Variants in ARHGAP15 observed in about 807,000 individuals in gnomAD.
ARHGAP15 encodes the protein Rho GTPase activating protein 15, also known as rho GTPase-activating protein 15.
In ARHGAP15, 51 loss-of-function variants were observed where a neutral mutation model predicts 63.7. That is an observed-to-expected ratio of 0.80 (90% CI 0.64 to 1.01). The LOEUF (loss-of-function observed/expected upper bound fraction) is 1.01. ARHGAP15 is among the 50% of genes least tolerant of loss of function. ARHGAP15 has a pLI of 0.00. For synonymous variants in ARHGAP15, 191 were observed against 193.8 expected (o/e 0.99, Z 0.12); for missense variants, 560 against 564.6 (o/e 0.99, Z 0.08).
At chr2:143,215,354 C>T (rs1692714468) in intron 3 of ARHGAP15, among the ~76,000 whole-genome samples, 3 of 152,188 alleles carry the variant, frequency 2.0e-5, no homozygotes, top group Admixed American at 1.3e-4. Flanking sequence ...GATTCTCCCA[C>T]CCCAACCTCC....
At chr2:143,321,330 C>T (rs1684010124) in intron 6 of ARHGAP15, among the ~76,000 whole-genome samples, 1 of 152,208 alleles carries the variant, frequency 6.6e-6, no homozygotes, top group Non-Finnish European at 1.5e-5. Flanking sequence ...CTTGTGGAAG[C>T]ATAAAAGGGA....
chr2:143,192,583 T>C (rs1045347363), intron 2 of ARHGAP15, among the ~76,000 whole-genome samples: 3 of 152,214 alleles, frequency 2.0e-5, no homozygotes, highest in African/African-American at 7.2e-5. Flanking sequence ...CTTTGGATCA[T>C]TAAAGTCACA....
At chr2:143,677,962 CT>C (rs2105364266) in intron 12 of ARHGAP15, among the ~76,000 whole-genome samples, 1 of 152,326 alleles carries the variant, frequency 6.6e-6, no homozygotes, top group Admixed American at 6.5e-5. Flanking sequence ...AATCCCAGTA[CT>C]TTGGGAGGCC....
At chr2:143,522,403 G>A (rs973329527) in intron 10 of ARHGAP15, among the ~76,000 whole-genome samples, 2 of 152,062 alleles carry the variant, frequency 1.3e-5, no homozygotes, top group Admixed American at 6.6e-5. Context: ...CTTTATAGTC[G>A]TAGAGCATGT....
In ARHGAP15 at chr2:143,330,133, C is replaced by CAAAAAAAAAAAAAAAAAAAAAAA. The variant is rs1558898102; in HGVS notation, c.474+79538_474+79539insAAAAAAAAAAAAAAAAAAAAAAA. ...AAAAAAAAAAAAAAAAAAAAAAAAC[C>CAAAAAAAAAAAAAAAAAAAAAAA]AAAAACAAAAAACTAAACTAATGAT... On this transcript the variant is annotated intron_variant, in intron 6 of 13. Coordinates refer to ENST00000295095, the MANE Select transcript of ARHGAP15 (RefSeq NM_018460.4). Among the ~76,000 whole-genome samples the CAAAAAAAAAAAAAAAAAAAAAAA allele has an allele frequency of 2.9e-3, 107 of 37,344 alleles. 13 individuals carry two copies. The highest frequency in any genetic ancestry group is 3.6e-3 in the Non-Finnish European group (68 of 19,152). 24.5% of individuals were successfully genotyped at this position (37,344 alleles called of 152,430 possible). A position where few individuals can be genotyped will look rare whatever the true frequency, so the allele number is the denominator to read the frequency against.
At chr2:143,398,763 G>GA (rs971410385) in intron 6 of ARHGAP15, among the ~76,000 whole-genome samples, 4 of 107,168 alleles carry the variant, frequency 3.7e-5, no homozygotes, top group Non-Finnish European at 5.5e-5. Flanking sequence ...TATAATAAAT[G>GA]AAAAAAATCC....
chr2:143,429,217 AG>A lies in ARHGAP15; in HGVS notation c.475-6381del, dbSNP rs1201912021. On this transcript the variant is annotated intron_variant, in intron 6 of 13. Transcript: ENST00000295095. Reference sequence around the variant, plus strand: ...TAACACAATAAAAAGAATGAACATGAGGGTTTTTTTTTTTTTTTTGCTTGTT... The same window carrying A: ...TAACACAATAAAAAGAATGAACATGAGGTTTTTTTTTTTTTTTTGCTTGTT... Among the ~76,000 whole-genome samples the A allele has an allele frequency of 3.9e-5, 5 of 127,314 alleles. No individual in the cohort carries two copies. In the South Asian group the frequency reaches 1.2e-3, roughly 30 times the overall value. The allele number at this position is 127,314 out of a possible 152,430, so 83.5% of individuals were successfully genotyped here.
chr2:143,373,769 G>T (rs1372964624), intron 6 of ARHGAP15, among the ~76,000 whole-genome samples: 2 of 151,756 alleles, frequency 1.3e-5, no homozygotes, highest in Non-Finnish European at 2.9e-5. Context: ...GTTAGGCATT[G>T]AAAGAGTAGA....
At chr2:143,536,733 A>G (rs1574596664) in intron 10 of ARHGAP15, among the ~76,000 whole-genome samples, 1 of 151,708 alleles carries the variant, frequency 6.6e-6, no homozygotes, top group African/African-American at 2.4e-5. Context: ...ATAGTATTCC[A>G]TGGTGTATAT....
intron 3 of ARHGAP15, among the ~76,000 whole-genome samples, chr2:143,212,144 A>G (rs1692586395): frequency 6.6e-6 from 1 of 152,136 alleles, no homozygotes; most frequent in Admixed American, 6.5e-5. Context: ...TCTCATAAAA[A>G]AAAATGCAGT....
intron 8 of ARHGAP15, among the ~76,000 whole-genome samples, chr2:143,470,993 CAT>C (rs1050330757): frequency 1.8e-5 from 2 of 108,682 alleles, no homozygotes; most frequent in African/African-American, 2.7e-5. Context: ...GTATCATATA[CAT>C]GTGTGTATAG....
At chr2:143,240,424 G>A (rs377719723) in intron 5 of ARHGAP15, among the ~76,000 whole-genome samples, 11 of 152,036 alleles carry the variant, frequency 7.2e-5, no homozygotes, top group African/African-American at 1.7e-4. Flanking sequence ...TGAGTATTCC[G>A]TGCAAAATGA....
intron 3 of ARHGAP15, among the ~76,000 whole-genome samples, chr2:143,202,862 T>A (rs1178879856): frequency 1.3e-5 from 2 of 152,068 alleles, no homozygotes; most frequent in African/African-American, 2.4e-5. Context: ...TATTGTTATA[T>A]CCTAGTGACA....
At chr2:143,328,805 G>A (rs1456094920) in intron 6 of ARHGAP15, among the ~76,000 whole-genome samples, 1 of 152,096 alleles carries the variant, frequency 6.6e-6, no homozygotes, top group Non-Finnish European at 1.5e-5. Context: ...ATAATTTATT[G>A]TACATTTTAA....
At chr2:143,604,861 C>T (rs1005274275) in intron 11 of ARHGAP15, among the ~76,000 whole-genome samples, 1 of 152,126 alleles carries the variant, frequency 6.6e-6, no homozygotes, top group African/African-American at 2.4e-5. Flanking sequence ...AATGATAATA[C>T]CGTGCATAGC....
At chr2:143,703,040 A>G (rs1323185956) in intron 12 of ARHGAP15, among the ~76,000 whole-genome samples, 1 of 152,218 alleles carries the variant, frequency 6.6e-6, no homozygotes, top group African/African-American at 2.4e-5. Context: ...CTTGTAAAAC[A>G]GGACATTTAA....
chr2:143,631,104 A>C (rs749570259), intron 12 of ARHGAP15, among the ~76,000 whole-genome samples: 7 of 151,960 alleles, frequency 4.6e-5, no homozygotes, highest in Non-Finnish European at 7.4e-5. Context: ...CTTTTGGGGG[A>C]GAGGCTTTTT....
chr2:143,468,014 T>C (rs1691315059), intron 8 of ARHGAP15, among the ~76,000 whole-genome samples: 1 of 152,114 alleles, frequency 6.6e-6, no homozygotes, highest in South Asian at 2.1e-4. Context: ...TAAGTTCATG[T>C]TTATTAGACC....
At chr2:143,244,598 G>A (rs992012057) in intron 5 of ARHGAP15, among the ~76,000 whole-genome samples, 3 of 152,198 alleles carry the variant, frequency 2.0e-5, no homozygotes, top group Non-Finnish European at 2.9e-5. Context: ...CGTAGCTGGT[G>A]TGAAGAATGG....
Sources: gnomAD v4.1 joint callset for allele counts (sites outside exome capture counted in the v4.1 genomes callset) on GRCh38, gnomAD v4.1.1 for gene constraint, MANE v1.5 for transcripts, NCBI Gene and HGNC (gene_info 2026-07-23, HGNC 2026-07-21) for gene names.